The following RAF1 variants were observed in gnomAD, a reference collection of about 807,000 sequenced individuals.
The protein encoded by RAF1 is RAF proto-oncogene serine/threonine-protein kinase.
A neutral mutation model predicts 81.1 loss-of-function variants in RAF1; 27 were observed. The ratio of observed to expected loss-of-function variants is 0.33; its 90% CI spans 0.25 to 0.46. RAF1 has a LOEUF of 0.46. RAF1 is among the 20% of genes least tolerant of loss of function. The pLI is 1.00. For missense variants in RAF1, 598 were observed against 826.0 expected, an observed-to-expected ratio of 0.72 and a Z score of 3.38; for synonymous variants, 298 against 294.0, an observed-to-expected ratio of 1.01 and a Z score of -0.14.
In RAF1 at chr3:12,611,859, G is replaced by A. The variant is rs1361069563; in HGVS notation, c.320+91C>T. On this transcript the variant is annotated intron_variant, in intron 3 of 17. Transcript: ENST00000442415. ...GTATAGAAATATACAATATTCTATA[G>A]GAAGCTAGTACAATTTAATACAAAC... 4.4e-6 allele frequency: 4 copies of A among 902,690 alleles called. No individual in the cohort carries two copies. The East Asian group carries it at 9.6e-5, about 22-fold the overall frequency. 55.9% of individuals were successfully genotyped at this position (902,690 alleles called of 1,614,324 possible). A position where few individuals can be genotyped will look rare whatever the true frequency, so the allele number is the denominator to read the frequency against.
chr3:12,615,164 T>C (rs1355232656), intron 2 of RAF1, among the ~76,000 whole-genome samples: 3 of 152,236 alleles, frequency 2.0e-5, no homozygotes, highest in Non-Finnish European at 4.4e-5. Context: ...ATCTGTATTT[T>C]AACCTGCTGG....
At chr3:12,600,021 CATTT>C in intron 10 of RAF1, 127 bp downstream of exon 9, 1 of 1,436,592 alleles carries the variant, frequency 7.0e-7, no homozygotes, top group Non-Finnish European at 9.8e-7. Context: ...ATGACAGTAA[CATTT>C]ATAATCTCCT....
At chr3:12,625,184 A>G (rs561956154) in intron 1 of RAF1, among the ~76,000 whole-genome samples, 1 of 151,972 alleles carries the variant, frequency 6.6e-6, no homozygotes, top group South Asian at 2.1e-4. Context: ...TCTGGGTTCA[A>G]GTGATTCTCC....
Position 12,633,129 on chromosome 3 carries a change from A to AT in RAF1, c.-26-14383_-26-14382insA, listed in dbSNP as rs879333260. Among the ~76,000 whole-genome samples, 1,086 of 152,294 alleles carry AT rather than the reference A, an allele frequency of 7.1e-3. 6 individuals are homozygous for AT. The highest frequency in any genetic ancestry group is 0.024 in the African/African-American group (1,018 of 41,556). On this transcript the variant is annotated intron_variant, in intron 1 of 17. Transcript: ENST00000442415. Reference sequence around the variant, plus strand: ...TTTTAATCTTATCTTTTAAAAAAATAAAGAGGTTGCAAAGGAATATCAGGC... The same window carrying AT: ...TTTTAATCTTATCTTTTAAAAAAATATAAGAGGTTGCAAAGGAATATCAGGC...
intron 7 of RAF1, among the ~76,000 whole-genome samples, chr3:12,603,895 G>C (rs572555232): frequency 1.9e-4 from 29 of 152,220 alleles, no homozygotes; most frequent in Middle Eastern, 3.4e-3. Flanking sequence ...TCTGATAATG[G>C]GAAGAGTTCA....
chr3:12,604,850 C>G (rs898821830), intron 6 of RAF1, among the ~76,000 whole-genome samples: 4 of 146,948 alleles, frequency 2.7e-5, no homozygotes, highest in Admixed American at 2.0e-4. Context: ...CTCTTCCAGT[C>G]ACCACCAACC....
At chr3:12,662,938 G>A (rs1453272274) in intron 1 of RAF1, among the ~76,000 whole-genome samples, 4 of 152,022 alleles carry the variant, frequency 2.6e-5, no homozygotes, top group Non-Finnish European at 4.4e-5. Flanking sequence ...CAATGAACGT[G>A]CCTTGAATTC....
Position 12,584,397 on chromosome 3 carries a change from C to A in RAF1, c.*117G>T. 1.5e-6 allele frequency: 2 copies of A among 1,334,684 alleles called. No homozygotes were observed. The highest frequency in any genetic ancestry group is 2.1e-6 in the Non-Finnish European group (2 of 942,552). 82.7% of individuals were successfully genotyped at this position (1,334,684 alleles called of 1,614,324 possible). Reference sequence around the variant, plus strand: ...AGGCCCTGTGAGCAGTCTAGAAGGTCCTTAGCAGCAGCTTCTCTGAAAACA... The same window carrying A: ...AGGCCCTGTGAGCAGTCTAGAAGGTACTTAGCAGCAGCTTCTCTGAAAACA... On this transcript the variant is annotated 3_prime_UTR_variant, in exon 18 of 18. Transcript: ENST00000442415.
chr3:12,640,677 C>T (rs2060157657), intron 1 of RAF1, among the ~76,000 whole-genome samples: 1 of 152,098 alleles, frequency 6.6e-6, no homozygotes, highest in African/African-American at 2.4e-5. Context: ...CCATCTCACA[C>T]CAGTTAGAAT....
rs2059446969 is a variant in RAF1 at position 12,618,547 on chromosome 3, G to A, written c.175C>T (p.Arg59Cys). 2 of 1,614,056 alleles carry A rather than the reference G, an allele frequency of 1.2e-6. No individual in the cohort carries two copies. The highest frequency in any genetic ancestry group is 2.2e-5 in the East Asian group (1 of 44,898). ...CTTTGCTTGTTCGGCAAGAAAACACGGATAGTGTTGCTTGTCTTAGAAGGA... is the reference window on the plus strand; with the variant it reads ...CTTTGCTTGTTCGGCAAGAAAACACAGATAGTGTTGCTTGTCTTAGAAGGA... The change falls in exon 2 of 18, where the codon CGT (arginine) becomes TGT (cysteine). Residue 59 changes from arginine to cysteine, a missense_variant. Physicochemically the swap from Arg to Cys is radical, Grantham distance 180. Coordinates refer to ENST00000442415, the MANE Select transcript of RAF1 (RefSeq NM_001354689.3).
rs1219466702 is a variant in RAF1 at position 12,612,082 on chromosome 3, T to C, written c.208-20A>G. 1 of 1,591,530 alleles carries C rather than the reference T, an allele frequency of 6.3e-7. No individual in the cohort carries two copies. The highest frequency in any genetic ancestry group is 2.2e-5 in the East Asian group (1 of 44,742). The stretch of plus-strand genomic sequence containing the variant: ...ATTGACCTACAAACAAAGGACCACC[T>C]TTAGGACCAACACAGGCTGCAGCAC... On this transcript the variant is annotated intron_variant, in intron 2 of 17. Coordinates refer to ENST00000442415, the MANE Select transcript of RAF1 (RefSeq NM_001354689.3).
At chr3:12,600,044 T>C in intron 10 of RAF1, 108 bp downstream of exon 9, 1 of 1,506,118 alleles carries the variant, frequency 6.6e-7, no homozygotes, top group East Asian at 2.3e-5. Context: ...CTTCATTGAA[T>C]GTATTTTATT....
Position 12,584,478 on chromosome 3 carries a change from C to A in RAF1, c.*36G>T. ...AAAGTGGTGCCTGCTGGCTTCTCCTCCTCCCCTGGCAGCCTGAAGACAGGT... is the reference window on the plus strand; with the variant it reads ...AAAGTGGTGCCTGCTGGCTTCTCCTACTCCCCTGGCAGCCTGAAGACAGGT... On this transcript the variant is annotated 3_prime_UTR_variant, in exon 18 of 18. Transcript: ENST00000442415. 2 of 1,614,016 alleles carry A rather than the reference C, an allele frequency of 1.2e-6. No individual in the cohort carries two copies. Among genetic ancestry groups the A allele is most frequent in the Non-Finnish European group, 1.7e-6 (2 of 1,179,936 alleles).
intron 11 of RAF1, among the ~76,000 whole-genome samples, chr3:12,593,208 T>C (rs1325385188): frequency 6.6e-6 from 1 of 151,578 alleles, no homozygotes; most frequent in Non-Finnish European, 1.5e-5. Context: ...GCCTCCCGAG[T>C]AGCTGGGATT....
chr3:12,619,533 C>A (rs1420792004), intron 1 of RAF1, among the ~76,000 whole-genome samples: 1 of 150,790 alleles, frequency 6.6e-6, no homozygotes, highest in Admixed American at 6.6e-5. Flanking sequence ...TCATTGCACT[C>A]CAGGCTGGGG....
chr3:12,633,275 G>C (rs959344972), intron 1 of RAF1, among the ~76,000 whole-genome samples: 1 of 151,974 alleles, frequency 6.6e-6, no homozygotes, highest in African/African-American at 2.4e-5. Context: ...GAACCCAGGA[G>C]TTCAAGACCA....
At chr3:12,603,560 AAAG>A in intron 7 of RAF1, 3 of 693,896 alleles carry the variant, frequency 4.3e-6, no homozygotes, top group Non-Finnish European at 7.9e-6. Context: ...AATGAGAAAT[AAAG>A]AAGAATAAAG....
At position 12,653,858 on chromosome 3, in the gene RAF1, C is replaced by T. The variant is rs116889699; in HGVS notation, c.-27+9955G>A. ...GAAGTACCACTAGTGATGCTGGAAG[C>T]GCTCCCAAGAAGCAAAGAAAAGCCA... On this transcript the variant is annotated intron_variant, in intron 1 of 17. Transcript: ENST00000442415. Among the ~76,000 whole-genome samples, 82 of 152,128 alleles carry T rather than the reference C, an allele frequency of 5.4e-4. 2 individuals are homozygous for T. In the East Asian group the frequency reaches 0.014, roughly 25 times the overall value.
intron 1 of RAF1, among the ~76,000 whole-genome samples, chr3:12,632,683 C>CTGAAA (rs1694366865): frequency 6.6e-6 from 1 of 152,210 alleles, no homozygotes; most frequent in Admixed American, 6.5e-5. Flanking sequence ...GAAGAGCTCT[C>CTGAAA]TGAAACTCTT....
Sources: gnomAD v4.1 joint callset for allele counts (sites outside exome capture counted in the v4.1 genomes callset) on GRCh38, gnomAD v4.1.1 for gene constraint, MANE v1.5 for transcripts, NCBI Gene and HGNC (gene_info 2026-07-23, HGNC 2026-07-21) for gene names.